The following CFAP221 variants were observed in gnomAD, a reference collection of about 807,000 sequenced individuals.
CFAP221 encodes cilia- and flagella-associated protein 221.
Under a neutral mutation model 113.1 loss-of-function variants are expected in CFAP221, and 97 were observed. The ratio of observed to expected loss-of-function variants is 0.86; its 90% CI spans 0.73 to 1.02. The LOEUF is 1.02. Among genes scored for constraint, CFAP221 ranks in the 50% least tolerant of loss-of-function variants. The pLI is 0.00. For missense variants in CFAP221, 1,025 were observed against 1,013.4 expected, an observed-to-expected ratio of 1.01 and a Z score of -0.16; for synonymous variants, 331 against 354.4, an observed-to-expected ratio of 0.93 and a Z score of 0.74.
chr2:119,629,886 C>T lies in CFAP221; in HGVS notation c.1662C>T (p.Gly554=). 1 of 1,612,842 alleles carries T rather than the reference C, an allele frequency of 6.2e-7. No homozygotes were observed. The highest frequency in any genetic ancestry group is 8.5e-7 in the Non-Finnish European group (1 of 1,178,982). ...CTTTCACATTTTAGGCTCCTGATGG[C>T]CTTGGACTGGTCCCAATTAAGTCTT... ...PQDSNELAPD[G]LGLVPIKSSE... is the part of the protein sequence containing the mutation. The change falls in exon 17 of 24, where the codon GGC becomes GGT. Residue 554 remains glycine (G), a synonymous_variant. Coordinates refer to ENST00000413369, the MANE Select transcript of CFAP221 (RefSeq NM_001271049.2).
intron 19 of CFAP221, among the ~76,000 whole-genome samples, chr2:119,633,271 C>T (rs1320122282): frequency 6.6e-6 from 1 of 151,204 alleles, no homozygotes; most frequent in Non-Finnish European, 1.5e-5. Flanking sequence ...TACTAGAAAA[C>T]ACATAGAAAA....
At chr2:119,578,604 T>C (rs1682618266) in intron 6 of CFAP221, among the ~76,000 whole-genome samples, 1 of 152,250 alleles carries the variant, frequency 6.6e-6, no homozygotes, top group Non-Finnish European at 1.5e-5. Flanking sequence ...ATGTTATAGC[T>C]TACCTTATCC....
intron 19 of CFAP221, among the ~76,000 whole-genome samples, chr2:119,632,882 A>G (rs1686873955): frequency 6.6e-6 from 1 of 152,174 alleles, no homozygotes; most frequent in African/African-American, 2.4e-5. Flanking sequence ...AAGCCATATC[A>G]TTTAACAATA....
At chr2:119,577,289 C>T (rs1300593508) in intron 6 of CFAP221, among the ~76,000 whole-genome samples, 1 of 152,186 alleles carries the variant, frequency 6.6e-6, no homozygotes, top group African/African-American at 2.4e-5. Flanking sequence ...TTCCTAAGTC[C>T]CCACCTCCAT....
intron 22 of CFAP221, among the ~76,000 whole-genome samples, chr2:119,649,091 G>C (rs974316929): frequency 1.3e-5 from 2 of 152,170 alleles, no homozygotes; most frequent in African/African-American, 2.4e-5. Context: ...TTGAGATGCA[G>C]CTCATGAATG....
At chr2:119,597,140 G>C (rs1684038471) in intron 7 of CFAP221, among the ~76,000 whole-genome samples, 1 of 152,198 alleles carries the variant, frequency 6.6e-6, no homozygotes, top group Non-Finnish European at 1.5e-5. Flanking sequence ...CACATTTATA[G>C]GACACACACT....
intron 14 of CFAP221, among the ~76,000 whole-genome samples, chr2:119,623,555 G>A (rs140238613): frequency 0.013 from 1,978 of 152,204 alleles, 31 homozygotes; most frequent in Middle Eastern, 0.02. Flanking sequence ...AGCCAGTATC[G>A]CCAAGACAAT....
intron 6 of CFAP221, among the ~76,000 whole-genome samples, chr2:119,563,806 A>T (rs554623140): frequency 1.3e-5 from 2 of 152,330 alleles, no homozygotes; most frequent in East Asian, 1.9e-4. Flanking sequence ...GTTGCTAAGA[A>T]CAACTCATAC....
chr2:119,559,932 A>T lies in CFAP221; in HGVS notation c.332A>T (p.His111Leu). The T allele has an allele frequency of 6.5e-7, 1 of 1,534,856 alleles. No individual in the cohort carries two copies. The highest frequency in any genetic ancestry group is 8.7e-7 in the Non-Finnish European group (1 of 1,146,332). Residue 111 changes from histidine (H) to leucine (L), a missense_variant, in exon 5 of 24, where the codon CAC becomes CTC. Coordinates refer to ENST00000413369, the MANE Select transcript of CFAP221 (RefSeq NM_001271049.2). ...AAGATGCCACCTGTCTTCCAGGAACACCACCTGGTCCCTGGCTTGTCCCTC... is the reference window on the plus strand; with the variant it reads ...AAGATGCCACCTGTCTTCCAGGAACTCCACCTGGTCCCTGGCTTGTCCCTC... ...YFEINYVRKE[H>L]HLVPGLSLTV... is the part of the protein sequence containing the mutation.
At chr2:119,657,231 T>C (rs1688476088), downstream of CFAP221, among the ~76,000 whole-genome samples, 1 of 152,202 alleles carries the variant, frequency 6.6e-6, no homozygotes, top group African/African-American at 2.4e-5. Flanking sequence ...TTTCTATGAA[T>C]ACATTTAAAT....
rs1297442181 is a variant in CFAP221 at position 119,638,256 on chromosome 2, C to T, written c.1975-3C>T. On this transcript the variant is annotated splice_polypyrimidine_tract_variant and splice_region_variant and intron_variant, in intron 19 of 23. Coordinates refer to ENST00000413369, the MANE Select transcript of CFAP221 (RefSeq NM_001271049.2). ...AAGAATATTTTTTCCCTGTCTTCGG[C>T]AGAATCCCAACCCAGGATTATTTGC... 1 of 1,613,858 alleles carries T rather than the reference C, an allele frequency of 6.2e-7. No homozygotes were observed. Among genetic ancestry groups the T allele is most frequent in the Non-Finnish European group, 8.5e-7 (1 of 1,179,864 alleles).
At chr2:119,549,014 A>G in intron 2 of CFAP221, 71 bp from the exon 3 acceptor site, 1 of 1,042,264 alleles carries the variant, frequency 9.6e-7, no homozygotes, top group Non-Finnish European at 1.3e-6. Flanking sequence ...AAGCTATGTT[A>G]ATAAGGATCA....
chr2:119,547,277 A>G (rs1348803094), intron 2 of CFAP221, among the ~76,000 whole-genome samples: 1 of 152,208 alleles, frequency 6.6e-6, no homozygotes, highest in Admixed American at 6.5e-5. Flanking sequence ...ATCATAGAAT[A>G]GGCCAGGTGC....
chr2:119,645,103 GCTCTCTCTCTCTCTCTGTCTCTGTCTGT>G (rs1472579255), intron 21 of CFAP221, among the ~76,000 whole-genome samples: 1 of 136,310 alleles, frequency 7.3e-6, no homozygotes, highest in Admixed American at 7.7e-5. Flanking sequence ...CATTCCTTTA[GCTCTCTCTCTCTCTCTGTCTCTGTCTGT>G]CTCTCTCTCT....
chr2:119,628,334 T>TGTGTGTGC (rs1553491008), intron 16 of CFAP221, among the ~76,000 whole-genome samples: 17 of 151,888 alleles, frequency 1.1e-4, no homozygotes, highest in African/African-American at 3.9e-4. Context: ...TGTGTGTGTG[T>TGTGTGTGC]ATCTTTCTCT....
rs148565899 is a variant in CFAP221 at position 119,553,437 on chromosome 2, A to G, written c.240+4252A>G. 3.3e-4 allele frequency among the ~76,000 whole-genome samples: 51 copies of G among 152,266 alleles called. No individual in the cohort carries two copies. The East Asian group carries it at 9.8e-3, about 29-fold the overall frequency. On this transcript the variant is annotated intron_variant, in intron 3 of 23. Transcript: ENST00000413369. ...TGCATGTGATTCAGAAAGCAGCAGG[A>G]AGTTAAGGAAGTATTTTTGAGCAGG...
intron 7 of CFAP221, among the ~76,000 whole-genome samples, chr2:119,588,577 G>C (rs1425726958): frequency 6.6e-6 from 1 of 152,080 alleles, no homozygotes; most frequent in African/African-American, 2.4e-5. Flanking sequence ...AACTATGTAT[G>C]ACACACTTAA....
intron 14 of CFAP221, among the ~76,000 whole-genome samples, chr2:119,620,364 G>A (rs1685820136): frequency 1.3e-5 from 2 of 152,148 alleles, no homozygotes; most frequent in South Asian, 4.2e-4. Flanking sequence ...ACCCACAAAG[G>A]GAAGCCCATC....
chr2:119,631,816 T>C (rs1028146600), intron 19 of CFAP221, among the ~76,000 whole-genome samples: 2 of 152,180 alleles, frequency 1.3e-5, no homozygotes, highest in African/African-American at 4.8e-5. Flanking sequence ...ATGTCAGGAA[T>C]GAGGAAGATG....
Sources: allele counts gnomAD v4.1 joint callset (sites outside exome capture counted in the v4.1 genomes callset), GRCh38; gene constraint gnomAD v4.1.1; transcripts MANE v1.5; gene names NCBI Gene and HGNC (gene_info 2026-07-23, HGNC 2026-07-21).